Variants in SLC9A1 observed in about 807,000 individuals in gnomAD.
SLC9A1 encodes solute carrier family 9 member A1.
In SLC9A1, 22 loss-of-function variants were observed where a neutral mutation model predicts 67.9. That is an observed-to-expected ratio of 0.32 (90% CI 0.23 to 0.46). The LOEUF is 0.46. SLC9A1 is among the 20% of genes least tolerant of loss of function. SLC9A1 has a pLI of 1.00. For synonymous variants in SLC9A1, 421 were observed against 471.8 expected (o/e 0.89, Z 1.40); for missense variants, 686 against 1,094.8 (o/e 0.63, Z 5.27).
intron 1 of SLC9A1, among the ~76,000 whole-genome samples, chr1:27,150,745 T>G (rs1347824378): frequency 6.6e-6 from 1 of 152,088 alleles, no homozygotes; most frequent in African/African-American, 2.4e-5. Flanking sequence ...CAGAAGCAAC[T>G]ATTCTAGAAC....
At chr1:27,125,240 T>TG (rs1216009662) in intron 1 of SLC9A1, among the ~76,000 whole-genome samples, 1 of 125,656 alleles carries the variant, frequency 8.0e-6, no homozygotes, top group Non-Finnish European at 1.7e-5. Context: ...TTTCTTTCTT[T>TG]TTTTTTTTTT....
chr1:27,105,726 G>A (rs1230449260), intron 5 of SLC9A1, 159 bp downstream of exon 5: 1 of 725,048 alleles, frequency 1.4e-6, no homozygotes. Context: ...AAGAAACTGA[G>A]GCCCAGAAAG....
chr1:27,120,152 G>A (rs1442144437), intron 1 of SLC9A1, among the ~76,000 whole-genome samples: 5 of 151,216 alleles, frequency 3.3e-5, no homozygotes, highest in Admixed American at 2.6e-4. Flanking sequence ...GTTTTGTTTT[G>A]GGGGGGCGGA....
At chr1:27,113,722 G>T in intron 2 of SLC9A1, 104 bp downstream of exon 2, 1 of 882,074 alleles carries the variant, frequency 1.1e-6, no homozygotes, top group Non-Finnish European at 1.8e-6. Flanking sequence ...ATGTGCCTCA[G>T]CTGTTTTTAT....
chr1:27,131,203 G>C (rs1487008146), intron 1 of SLC9A1, among the ~76,000 whole-genome samples: 1 of 152,208 alleles, frequency 6.6e-6, no homozygotes, highest in Non-Finnish European at 1.5e-5. Context: ...ATTCAGGCAA[G>C]AGCCGTGGTT....
At chr1:27,127,328 T>A (rs1463175160) in intron 1 of SLC9A1, among the ~76,000 whole-genome samples, 2 of 152,218 alleles carry the variant, frequency 1.3e-5, no homozygotes, top group Admixed American at 1.3e-4. Context: ...TTGGAGCAAA[T>A]GGCAGTGGAC....
chr1:27,121,523 G>A (rs2083304526), intron 1 of SLC9A1, among the ~76,000 whole-genome samples: 1 of 152,194 alleles, frequency 6.6e-6, no homozygotes, highest in Admixed American at 6.5e-5. Context: ...AGGCAGGCTG[G>A]GGGGCCTGGG....
In SLC9A1 at chr1:27,133,954, G is replaced by A. The variant is rs886606137; in HGVS notation, c.353-19668C>T. Among the ~76,000 whole-genome samples the A allele has an allele frequency of 7.2e-5, 11 of 152,026 alleles. 1 individual carries two copies. In the South Asian group the frequency reaches 1.9e-3, roughly 26 times the overall value. ...TAATTTTTGTATTTTTAGTAGAGAC[G>A]GAGTTTCACCATCTTGGCCAGGCTG... On this transcript the variant is annotated intron_variant, in intron 1 of 11. Coordinates refer to ENST00000263980, the MANE Select transcript of SLC9A1 (RefSeq NM_003047.5).
intron 4 of SLC9A1, 55 bp downstream of exon 4, chr1:27,107,593 C>T (rs1006190007): frequency 1.5e-6 from 2 of 1,335,432 alleles, no homozygotes; most frequent in Admixed American, 4.0e-5. Flanking sequence ...AGCCCACCAC[C>T]CCCCACACAC....
rs969847271 is a variant in SLC9A1, at chr1:27,118,074, C to T, written c.353-3788G>A. On this transcript the variant is annotated intron_variant, in intron 1 of 11. Coordinates refer to ENST00000263980, the MANE Select transcript of SLC9A1 (RefSeq NM_003047.5). The surrounding 1 kb of genome is among the most constrained non-coding windows in gnomAD (Gnocchi z 4.3). ...AGCCAGGCCAACCAGGACTGGGTCCCGGGCCTCCTGACTACAGCACAGCGA... is the reference window on the plus strand; with the variant it reads ...AGCCAGGCCAACCAGGACTGGGTCCTGGGCCTCCTGACTACAGCACAGCGA... 6.6e-5 allele frequency among the ~76,000 whole-genome samples: 10 copies of T among 152,166 alleles called. No homozygotes were observed. Among genetic ancestry groups the T allele is most frequent in the Non-Finnish European group, 8.8e-5 (6 of 68,034 alleles).
chr1:27,107,656 C>T lies in SLC9A1; in HGVS notation c.1274G>A (p.Arg425His), dbSNP rs1445249407. The T allele has an allele frequency of 3.9e-6, 6 of 1,552,682 alleles. No homozygotes were observed. The highest frequency in any genetic ancestry group is 1.7e-4 in the Middle Eastern group (1 of 5,878). Reference sequence around the variant, plus strand: ...CCAGCCCTGGCCCTCACCCAGCACGCGGGCGATGAGGCAGAAGAGCAGGGT... The same window carrying T: ...CCAGCCCTGGCCCTCACCCAGCACGTGGGCGATGAGGCAGAAGAGCAGGGT... ...ISTLLFCLIA[R>H]VLGVLGLTWF... The change falls in exon 4 of 12, where the codon CGC becomes CAC. Residue 425 changes from arginine (R) to histidine (H), a missense_variant. Transcript: ENST00000263980.
intron 1 of SLC9A1, among the ~76,000 whole-genome samples, chr1:27,129,272 A>G (rs1426666757): frequency 6.6e-6 from 1 of 152,206 alleles, no homozygotes; most frequent in Non-Finnish European, 1.5e-5. Context: ...ATAACGATCC[A>G]GCTGGCTGGG....
intron 1 of SLC9A1, among the ~76,000 whole-genome samples, chr1:27,136,618 C>G (rs2083421858): frequency 6.6e-6 from 1 of 152,168 alleles, no homozygotes; most frequent in African/African-American, 2.4e-5. Context: ...CCTCCCTCCC[C>G]TCTGAAGGGA....
At chr1:27,111,641 T>A (rs1328629545) in intron 2 of SLC9A1, among the ~76,000 whole-genome samples, 1 of 151,566 alleles carries the variant, frequency 6.6e-6, no homozygotes, top group Non-Finnish European at 1.5e-5. Context: ...ACAAAATAAA[T>A]AAATAAATAA....
chr1:27,114,275 T>G lies in SLC9A1; in HGVS notation c.364A>C (p.Ile122Leu). The part of the protein sequence containing the change: ...ACLMKIGFHV[I>L]PTISSIVPES... ...GGGACGATGCTTGAGATAGTGGGGATCACATGGAAACCTGCGGAGGGCGAG... is the reference window on the plus strand; with the variant it reads ...GGGACGATGCTTGAGATAGTGGGGAGCACATGGAAACCTGCGGAGGGCGAG... Residue 122 changes from isoleucine (I) to leucine (L), a missense_variant, in exon 2 of 12, where the codon ATC becomes CTC. Physicochemically the swap from Ile to Leu is conservative, Grantham distance 5. Coordinates refer to ENST00000263980, the MANE Select transcript of SLC9A1 (RefSeq NM_003047.5). The surrounding 1 kb of genome is among the most constrained non-coding windows in gnomAD (Gnocchi z 5.4). 6.2e-7 allele frequency: 1 copy of G among 1,609,028 alleles called. No homozygotes were observed. The highest frequency in any genetic ancestry group is 1.3e-5 in the African/African-American group (1 of 74,918).
rs1320791459 is a variant in SLC9A1, at chr1:27,106,197, C to T, written c.1283-110G>A. 1 of 713,524 alleles carries T rather than the reference C, an allele frequency of 1.4e-6. No individual in the cohort carries two copies. The allele number at this position is 713,524 out of a possible 1,614,324, so 44.2% of individuals were successfully genotyped here. ...CATCCAGGAAGTCTCCATTACGAAG[C>T]CCACCCCGCTCACTCAATTCCTGGG... On this transcript the variant is annotated intron_variant, in intron 4 of 11. Transcript: ENST00000263980. This position sits in a 1 kb window ranked among gnomAD's most constrained non-coding sequence, Gnocchi z 4.3.
chr1:27,134,645 C>A (rs920760196), intron 1 of SLC9A1, among the ~76,000 whole-genome samples: 3 of 152,122 alleles, frequency 2.0e-5, no homozygotes, highest in Non-Finnish European at 4.4e-5. Context: ...CCAGACTCTC[C>A]CCTCTTGAAG....
intron 5 of SLC9A1, chr1:27,103,852 T>G (rs2124132705): frequency 6.4e-6 from 1 of 155,576 alleles, no homozygotes; most frequent in Non-Finnish European, 1.4e-5. Flanking sequence ...ATGCAGAAAC[T>G]GAGGCTCAGA....
In SLC9A1 at chr1:27,099,133, CAG is replaced by C. The variant is rs1173025438; in HGVS notation, c.*1172_*1173del. 6.5e-6 allele frequency: 1 copy of C among 152,780 alleles called. No individual in the cohort carries two copies. The allele number at this position is 152,780 out of a possible 1,614,324, so 9.5% of individuals were successfully genotyped here. ...TGCCCAATCCACCAGCCCCAGGGGA[CAG>C]GGGATCCTCAGGGGAGGCCTTCTCC... On this transcript the variant is annotated 3_prime_UTR_variant, in exon 12 of 12. Coordinates refer to ENST00000263980, the MANE Select transcript of SLC9A1 (RefSeq NM_003047.5).
Sources: allele counts gnomAD v4.1 joint callset (sites outside exome capture counted in the v4.1 genomes callset), GRCh38; gene constraint gnomAD v4.1.1; non-coding constraint Gnocchi (gnomAD v3.1); transcripts MANE v1.5; gene names NCBI Gene and HGNC (gene_info 2026-07-23, HGNC 2026-07-21).